Variants in DCAKD observed in about 807,000 individuals in gnomAD.
The protein encoded by DCAKD is dephospho-CoA kinase domain-containing protein.
In DCAKD, 15 loss-of-function variants were observed where a neutral mutation model predicts 18.7. That is an observed-to-expected ratio of 0.80 (90% confidence interval 0.54 to 1.24). DCAKD has a LOEUF of 1.24. DCAKD is among the 50% of genes most tolerant of loss of function. The pLI is 0.00. For synonymous variants in DCAKD, 130 were observed against 133.0 expected (o/e 0.98, Z 0.16); for missense variants, 301 against 322.0 (o/e 0.93, Z 0.50).
At chr17:45,029,205 G>T (rs2053122583) in intron 4 of DCAKD, among the ~76,000 whole-genome samples, 1 of 152,252 alleles carries the variant, frequency 6.6e-6, no homozygotes, top group South Asian at 2.1e-4. Context: ...GAGGATGCCT[G>T]CGTCCCTGCA....
At chr17:45,030,708 G>A (rs2053157199) in intron 3 of DCAKD, among the ~76,000 whole-genome samples, 1 of 152,256 alleles carries the variant, frequency 6.6e-6, no homozygotes. Flanking sequence ...CTGCTGACAA[G>A]AGCCAAGGTG....
chr17:45,027,108 C>T (rs1031271406), intron 4 of DCAKD, among the ~76,000 whole-genome samples: 2 of 152,048 alleles, frequency 1.3e-5, no homozygotes, highest in African/African-American at 4.8e-5. Flanking sequence ...TTTAGTAGGC[C>T]GAGGAGGAGG....
In DCAKD at chr17:45,044,686, C is replaced by CATCA. The variant is rs1341481518; in HGVS notation, c.-115+6671_-115+6674dup. Reference sequence around the variant, plus strand: ...TAGCCTGGGAGACAGAGAGAGACTCCATCAATAAATAAATAAATAAATAAA... The same window carrying CATCA: ...TAGCCTGGGAGACAGAGAGAGACTCCATCAATCAATAAATAAATAAATAAATAAA... On this transcript the variant is annotated intron_variant, in intron 1 of 4. Transcript: ENST00000651974. Among the ~76,000 whole-genome samples, 51 of 96,584 alleles carry CATCA rather than the reference C, an allele frequency of 5.3e-4. 1 individual carries two copies. Among genetic ancestry groups the CATCA allele is most frequent in the African/African-American group, 3.6e-4 (7 of 19,332 alleles). 63.4% of individuals were successfully genotyped at this position (96,584 alleles called of 152,430 possible).
At chr17:45,044,368 C>T (rs977225345) in intron 1 of DCAKD, among the ~76,000 whole-genome samples, 3 of 152,142 alleles carry the variant, frequency 2.0e-5, no homozygotes, top group African/African-American at 7.2e-5. Context: ...ACCCAACCCC[C>T]GTCTGGAACT....
At chr17:45,026,039 C>T (rs2053048071) in intron 4 of DCAKD, among the ~76,000 whole-genome samples, 1 of 151,974 alleles carries the variant, frequency 6.6e-6, no homozygotes, top group Admixed American at 6.6e-5. Context: ...CTGCCTCAGC[C>T]TCCCAAGTAG....
chr17:45,030,285 C>T, intron 3 of DCAKD, 106 bp from the exon 4 acceptor site: 2 of 936,320 alleles, frequency 2.1e-6, no homozygotes, highest in Non-Finnish European at 3.5e-6. Context: ...AGGGGCAGGC[C>T]TTCCAAGGAC....
At chr17:45,053,609 T>C (rs2053750316), upstream of DCAKD, among the ~76,000 whole-genome samples, 1 of 152,182 alleles carries the variant, frequency 6.6e-6, no homozygotes, top group Non-Finnish European at 1.5e-5. Context: ...TTAGTAGAGA[T>C]GGGGTTTCAC....
chr17:45,057,960 G>A (rs2053803210), intron 1 of DCAKD, among the ~76,000 whole-genome samples: 2 of 139,684 alleles, frequency 1.4e-5, no homozygotes, highest in South Asian at 2.3e-4. Flanking sequence ...GCAATGAGTC[G>A]AGATTGTGCC....
intron 4 of DCAKD, among the ~76,000 whole-genome samples, chr17:45,026,384 C>T (rs554196918): frequency 1.4e-4 from 21 of 152,002 alleles, no homozygotes; most frequent in Non-Finnish European, 2.8e-4. Flanking sequence ...CCCGCCACCA[C>T]ACCTGGCTAA....
intron 1 of DCAKD, among the ~76,000 whole-genome samples, chr17:45,038,823 C>A (rs534433405): frequency 6.6e-6 from 1 of 152,242 alleles, no homozygotes; most frequent in East Asian, 1.9e-4. Context: ...GGCTCCGGGT[C>A]CCCAACTTAA....
At chr17:45,030,228 T>C (rs768375559) in intron 3 of DCAKD, 49 bp from the exon 4 acceptor site, 5 of 1,533,762 alleles carry the variant, frequency 3.3e-6, no homozygotes, top group African/African-American at 1.4e-5. Context: ...AAGCGCACAC[T>C]GAGGACTGAT....
chr17:45,048,051 G>A (rs1281419974), intron 1 of DCAKD, among the ~76,000 whole-genome samples: 1 of 152,028 alleles, frequency 6.6e-6, no homozygotes, highest in African/African-American at 2.4e-5. Flanking sequence ...ATGTATTTTT[G>A]TTGCAGAGAA....
chr17:45,046,980 C>A (rs552277239), intron 1 of DCAKD, among the ~76,000 whole-genome samples: 1 of 152,200 alleles, frequency 6.6e-6, no homozygotes, highest in South Asian at 2.1e-4. Flanking sequence ...AGGAACAAAT[C>A]CTTGCATGAG....
intron 4 of DCAKD, among the ~76,000 whole-genome samples, chr17:45,028,267 C>T (rs1167905845): frequency 2.6e-5 from 4 of 151,488 alleles, no homozygotes; most frequent in Non-Finnish European, 5.9e-5. Flanking sequence ...CACCATGATG[C>T]CCAGCTAATT....
chr17:45,029,291 A>G (rs1044004442), intron 4 of DCAKD, among the ~76,000 whole-genome samples: 6 of 152,224 alleles, frequency 3.9e-5, no homozygotes, highest in African/African-American at 1.2e-4. Context: ...GGGGATTTTC[A>G]GGGCACTGAG....
chr17:45,029,221 C>T (rs2053123081), intron 4 of DCAKD, among the ~76,000 whole-genome samples: 1 of 152,222 alleles, frequency 6.6e-6, no homozygotes, highest in Non-Finnish European at 1.5e-5. Flanking sequence ...CTGCATTGGG[C>T]TCAAGGGATT....
chr17:45,024,318 T>G lies in DCAKD; in HGVS notation c.*115A>C, dbSNP rs2053005926. 11 of 485,900 alleles carry G rather than the reference T, an allele frequency of 2.3e-5. No homozygotes were observed. Among genetic ancestry groups the G allele is most frequent in the South Asian group, 4.9e-5 (2 of 41,076 alleles). The allele number at this position is 485,900 out of a possible 1,614,324, so 30.1% of individuals were successfully genotyped here. A position where few individuals can be genotyped will look rare whatever the true frequency, so the allele number is the denominator to read the frequency against. ...GTGTGTGTGTGTGTGTGTGTGTGTG[T>G]GTGTGTGTGTGTGTGTGTGTGGGGA... On this transcript the variant is annotated 3_prime_UTR_variant, in exon 5 of 5. Coordinates refer to ENST00000651974, the MANE Select transcript of DCAKD (RefSeq NM_001288655.2).
upstream of DCAKD, among the ~76,000 whole-genome samples, chr17:45,055,806 G>T (rs1246901595): frequency 6.6e-6 from 1 of 152,092 alleles, no homozygotes; most frequent in African/African-American, 2.4e-5. Context: ...GTGTTCCCGA[G>T]GTTGGAATAA....
chr17:45,049,346 G>A (rs984669050), intron 1 of DCAKD, among the ~76,000 whole-genome samples: 8 of 151,948 alleles, frequency 5.3e-5, no homozygotes, highest in African/African-American at 1.7e-4. Flanking sequence ...AAGGTGGGAG[G>A]ATTGAGCTCA....
Sources: gnomAD v4.1 joint callset for allele counts (sites outside exome capture counted in the v4.1 genomes callset) on GRCh38, gnomAD v4.1.1 for gene constraint, MANE v1.5 for transcripts, NCBI Gene and HGNC (gene_info 2026-07-23, HGNC 2026-07-21) for gene names.